The following ANGPT2 variants were observed in gnomAD, a reference collection of about 807,000 sequenced individuals.
ANGPT2 encodes the protein angiopoietin-2.
A neutral mutation model predicts 62.9 loss-of-function variants in ANGPT2; 28 were observed. The ratio of observed to expected loss-of-function variants is 0.44; its 90% CI spans 0.33 to 0.61. The LOEUF (loss-of-function observed/expected upper bound fraction) is 0.61, where lower values mean the gene tolerates loss of function less well. Ranked by LOEUF, ANGPT2 falls within the 20% of genes least tolerant of loss-of-function variation. The pLI is 0.03. For synonymous variants in ANGPT2, 284 were observed against 207.8 expected, an observed-to-expected ratio of 1.37 and a Z score of -3.15; for missense variants, 727 against 594.9, an observed-to-expected ratio of 1.22 and a Z score of -2.31.
chr8:6,521,820 G>A (rs941857935), intron 3 of ANGPT2, among the ~76,000 whole-genome samples: 2 of 152,126 alleles, frequency 1.3e-5, no homozygotes, highest in Admixed American at 6.5e-5. Context: ...TAGGATATTA[G>A]CTTTCTCCTA....
chr8:6,515,619 C>G (rs1816117551), intron 5 of ANGPT2, among the ~76,000 whole-genome samples: 1 of 152,070 alleles, frequency 6.6e-6, no homozygotes, highest in Admixed American at 6.5e-5. Context: ...AATTAAAAAC[C>G]CCTGAAAATA....
chr8:6,506,748 A>G (rs1030694368), intron 8 of ANGPT2, among the ~76,000 whole-genome samples: 72 of 150,854 alleles, frequency 4.8e-4, no homozygotes, highest in African/African-American at 1.8e-3. Context: ...ACCAAATAGT[A>G]GTCATATTAT....
intron 2 of ANGPT2, among the ~76,000 whole-genome samples, chr8:6,529,474 CAG>C (rs2129571189): frequency 6.9e-6 from 1 of 144,892 alleles, no homozygotes; most frequent in East Asian, 2.0e-4. Flanking sequence ...TTTTTTGAGA[CAG>C]AGTCTCACTC....
chr8:6,538,947 G>A (rs1821002864), intron 1 of ANGPT2, among the ~76,000 whole-genome samples: 1 of 152,188 alleles, frequency 6.6e-6, no homozygotes, highest in African/African-American at 2.4e-5. Context: ...CTGTCATGAG[G>A]AAACTCTGAA....
Position 6,503,046 on chromosome 8 carries a change from T to G in ANGPT2, c.*55A>C, listed in dbSNP as rs565333607. On this transcript the variant is annotated 3_prime_UTR_variant, in exon 9 of 9. Transcript: ENST00000629816. ...TGCGCAGCCGTGACTTTCAGTGCAC[T>G]GGGCTTAAGTCTTTGAAAATAGTTC... The G allele has an allele frequency of 4.5e-5, 72 of 1,602,920 alleles. No individual in the cohort carries two copies. The African/African-American group carries it at 7.9e-4, about 18-fold the overall frequency.
At position 6,527,544 on chromosome 8, in the gene ANGPT2, A is replaced by G. The variant is rs774752477; in HGVS notation, c.566+11T>C. 6.8e-6 allele frequency: 11 copies of G among 1,611,630 alleles called. No individual in the cohort carries two copies. In the South Asian group the frequency reaches 1.1e-4, roughly 16 times the overall value. On this transcript the variant is annotated intron_variant, in intron 3 of 8. Transcript: ENST00000629816. The stretch of plus-strand genomic sequence containing the variant: ...AGTCCTGAATTATAAATGTTTTAGT[A>G]CTGTTATTACCTGTTCTTATCTTGC...
chr8:6,543,952 A>G (rs577420556), intron 1 of ANGPT2, among the ~76,000 whole-genome samples: 1 of 152,296 alleles, frequency 6.6e-6, no homozygotes, highest in African/African-American at 2.4e-5. Context: ...TATGTTTTGC[A>G]CCTTAATCTT....
chr8:6,511,899 CT>C (rs34089402), intron 7 of ANGPT2, among the ~76,000 whole-genome samples: 57,447 of 141,832 alleles, frequency 0.41, 11,545 homozygotes, highest in Middle Eastern at 0.54. Flanking sequence ...TTTTGTGCTT[CT>C]TTTTTTTTTT....
intron 7 of ANGPT2, among the ~76,000 whole-genome samples, chr8:6,512,159 C>G (rs928127744): frequency 1.3e-5 from 2 of 152,250 alleles, no homozygotes; most frequent in East Asian, 3.9e-4. Flanking sequence ...TTTAAAGAGT[C>G]ACATCCATGT....
At chr8:6,547,046 T>C (rs1274111319) in intron 1 of ANGPT2, among the ~76,000 whole-genome samples, 1 of 152,130 alleles carries the variant, frequency 6.6e-6, no homozygotes, top group East Asian at 1.9e-4. Flanking sequence ...CATGCACGTG[T>C]TCCGTGTGTA....
Position 6,527,663 on chromosome 8 carries a change from G to C in ANGPT2, c.458C>G (p.Thr153Ser). Residue 153 changes from threonine to serine, a missense_variant, in exon 3 of 9, where the codon ACC (threonine) becomes AGC (serine). Thr to Ser is a moderately conservative substitution (Grantham distance 58). Coordinates refer to ENST00000629816, the MANE Select transcript of ANGPT2 (RefSeq NM_001118887.2). ...TDVEAQVLNQ[T>S]TRLELQLLEH... ...CAAGAGCTGAAGTTCAAGTCTCGTG[G>C]TCTGATTTAATACCTAAATGTAACA... The C allele has an allele frequency of 1.2e-6, 2 of 1,613,574 alleles. No homozygotes were observed. The highest frequency in any genetic ancestry group is 2.7e-5 in the African/African-American group (2 of 75,000).
At chr8:6,506,856 T>G (rs1445511263) in intron 8 of ANGPT2, among the ~76,000 whole-genome samples, 1 of 152,008 alleles carries the variant, frequency 6.6e-6, no homozygotes, top group Non-Finnish European at 1.5e-5. Flanking sequence ...ATTACTGAAT[T>G]TCATATTATT....
At position 6,521,216 on chromosome 8, in the gene ANGPT2, G is replaced by C; in HGVS notation, c.761C>G (p.Thr254Arg). Residue 254 changes from threonine (T) to arginine (R), a missense_variant, in exon 4 of 9, where the codon ACA becomes AGA. Thr to Arg is a moderately conservative substitution (Grantham distance 71). Coordinates refer to ENST00000629816, the MANE Select transcript of ANGPT2 (RefSeq NM_001118887.2). Reference sequence around the variant, plus strand: ...CATCATAGTCAGTAAGTTATTAACTGTCTCCATGAGATCATGTTGCTGCTT... The same window carrying C: ...CATCATAGTCAGTAAGTTATTAACTCTCTCCATGAGATCATGTTGCTGCTT... ...LQKQQHDLME[T>R]VNNLLTMMST... 1.2e-6 allele frequency: 2 copies of C among 1,613,866 alleles called. No homozygotes were observed. The highest frequency in any genetic ancestry group is 1.7e-6 in the Non-Finnish European group (2 of 1,179,912).
chr8:6,544,799 A>G (rs1256014166), intron 1 of ANGPT2, among the ~76,000 whole-genome samples: 1 of 152,202 alleles, frequency 6.6e-6, no homozygotes, highest in African/African-American at 2.4e-5. Flanking sequence ...CCTGACTTGA[A>G]TCTATAACAT....
chr8:6,524,676 G>A (rs560045959), intron 3 of ANGPT2, among the ~76,000 whole-genome samples: 3 of 152,274 alleles, frequency 2.0e-5, no homozygotes, highest in South Asian at 2.1e-4. Context: ...TTAAGCCTGC[G>A]GAAATTTAGA....
rs958315872 is a variant in ANGPT2, at chr8:6,502,912, G to C, written c.*189C>G. On this transcript the variant is annotated 3_prime_UTR_variant, in exon 9 of 9. Transcript: ENST00000629816. ...TATGGATGTTTAGGGTCTTGCTTTG[G>C]TCCGTTAAGTGATGCAAGTTTAAGT... The C allele has an allele frequency of 1.6e-5, 10 of 622,186 alleles. No individual in the cohort carries two copies. The highest frequency in any genetic ancestry group is 4.4e-4 in the Middle Eastern group (1 of 2,268). 38.5% of individuals were successfully genotyped at this position (622,186 alleles called of 1,614,324 possible).
Position 6,499,936 on chromosome 8 carries a change from C to A in ANGPT2, c.*3165G>T, listed in dbSNP as rs770754818. 1.9e-6 allele frequency: 3 copies of A among 1,612,216 alleles called. No homozygotes were observed. The South Asian group carries it at 3.3e-5, about 18-fold the overall frequency. ...CCACTTCCCTGCAGCTCCCGTAAGTCAGATGTTGTTTTACGATGGTAAATG... is the reference window on the plus strand; with the variant it reads ...CCACTTCCCTGCAGCTCCCGTAAGTAAGATGTTGTTTTACGATGGTAAATG... On this transcript the variant is annotated 3_prime_UTR_variant, in exon 9 of 9. Transcript: ENST00000629816.
intron 5 of ANGPT2, among the ~76,000 whole-genome samples, chr8:6,517,490 A>C (rs954745389): frequency 6.6e-6 from 1 of 152,248 alleles, no homozygotes; most frequent in Non-Finnish European, 1.5e-5. Flanking sequence ...TTCAAAACTA[A>C]AGCTGCAGTA....
chr8:6,526,732 G>A (rs2959816), intron 3 of ANGPT2, among the ~76,000 whole-genome samples: 2 of 152,056 alleles, frequency 1.3e-5, no homozygotes, highest in East Asian at 3.8e-4. Flanking sequence ...TTGTGAAATA[G>A]GATATATTGT....
Sources: gnomAD v4.1 joint callset for allele counts (sites outside exome capture counted in the v4.1 genomes callset) on GRCh38, gnomAD v4.1.1 for gene constraint, MANE v1.5 for transcripts, NCBI Gene and HGNC (gene_info 2026-07-23, HGNC 2026-07-21) for gene names.